HPSE2: variants seen among roughly 807,000 people sequenced by gnomAD.
HPSE2 encodes inactive heparanase-2.
A neutral mutation model predicts 60.5 loss-of-function variants in HPSE2; 38 were observed. The observed-to-expected ratio is 0.63, with a 90% CI of 0.48 to 0.82. HPSE2 has a LOEUF of 0.82. Ranked by LOEUF, HPSE2 falls within the 40% of genes least tolerant of loss-of-function variation. HPSE2 has a pLI of 0.00. For missense variants in HPSE2, 713 were observed against 740.4 expected (o/e 0.96, Z 0.43); for synonymous variants, 295 against 293.2 (o/e 1.01, Z -0.06).
At chr10:98,900,882 A>G (rs1590042888) in intron 3 of HPSE2, among the ~76,000 whole-genome samples, 2 of 152,208 alleles carry the variant, frequency 1.3e-5, no homozygotes, top group South Asian at 2.1e-4. Flanking sequence ...ACACATATGT[A>G]CATATAAAAA....
At chr10:99,084,253 T>G (rs753448557) in intron 3 of HPSE2, among the ~76,000 whole-genome samples, 1 of 152,114 alleles carries the variant, frequency 6.6e-6, no homozygotes, top group Non-Finnish European at 1.5e-5. Flanking sequence ...TGGTAACCAG[T>G]GCATTTAAGG....
At chr10:98,683,624 G>A (rs1436011761) in intron 6 of HPSE2, among the ~76,000 whole-genome samples, 1 of 151,806 alleles carries the variant, frequency 6.6e-6, no homozygotes, top group African/African-American at 2.4e-5. Flanking sequence ...GATGATTAAG[G>A]AGGTTTATCA....
chr10:98,509,497 C>CT (rs562628127), intron 9 of HPSE2, among the ~76,000 whole-genome samples: 6 of 150,332 alleles, frequency 4.0e-5, no homozygotes, highest in African/African-American at 1.2e-4. Flanking sequence ...GGATTCATAG[C>CT]TTTTTTTTTG....
Position 98,938,451 on chromosome 10 carries a change from T to C in HPSE2, c.611-194395A>G, listed in dbSNP as rs1490032789. ...GAACTACGTGAAGAATGCAGAAGCCTCAGGAGCCAATGTGATCAACTGGAA... is the reference window on the plus strand; with the variant it reads ...GAACTACGTGAAGAATGCAGAAGCCCCAGGAGCCAATGTGATCAACTGGAA... On this transcript the variant is annotated intron_variant, in intron 3 of 11. Transcript: ENST00000370552. Among the ~76,000 whole-genome samples, 4 of 143,930 alleles carry C rather than the reference T, an allele frequency of 2.8e-5. 1 individual carries two copies. Among genetic ancestry groups the C allele is most frequent in the Non-Finnish European group, 6.0e-5 (4 of 67,192 alleles). The allele number at this position is 143,930 out of a possible 152,430, so 94.4% of individuals were successfully genotyped here.
Position 99,126,025 on chromosome 10 carries a change from G to A in HPSE2, c.610+18213C>T, listed in dbSNP as rs1015452948. 6.6e-6 allele frequency among the ~76,000 whole-genome samples: 1 copy of A among 152,190 alleles called. No homozygotes were observed. The highest frequency in any genetic ancestry group is 1.5e-5 in the Non-Finnish European group (1 of 68,018). ...GCAGATAACGAGCACAGGAGCTGGT[G>A]ATGACAGTGTGAGCAGATGGGAGGG... On this transcript the variant is annotated intron_variant, in intron 3 of 11. Transcript: ENST00000370552. The surrounding 1 kb of genome is among the most constrained non-coding windows in gnomAD (Gnocchi z 4.0).
chr10:99,241,717 T>C, the HPSE2 span, among the ~76,000 whole-genome samples: 1 of 152,178 alleles, frequency 6.6e-6, no homozygotes, highest in African/African-American at 2.4e-5. Flanking sequence ...TATGAGATCA[T>C]GCCACTGCAC....
chr10:98,627,164 T>A (rs1350212399), intron 7 of HPSE2, among the ~76,000 whole-genome samples: 1 of 152,188 alleles, frequency 6.6e-6, no homozygotes, highest in Non-Finnish European at 1.5e-5. Flanking sequence ...AAATACTGTG[T>A]CTACAAGACC....
intron 2 of HPSE2, among the ~76,000 whole-genome samples, chr10:99,207,583 T>C (rs955414994): frequency 7.2e-5 from 11 of 152,252 alleles, no homozygotes; most frequent in Admixed American, 7.2e-4. Flanking sequence ...ATAATGGCTA[T>C]AATAAAGGAA....
chr10:99,264,809 T>A, the HPSE2 span, among the ~76,000 whole-genome samples: 2 of 106,336 alleles, frequency 1.9e-5, no homozygotes, highest in Non-Finnish European at 5.1e-5. Flanking sequence ...CCCCACAGTA[T>A]CACCCCTCAC....
intron 3 of HPSE2, among the ~76,000 whole-genome samples, chr10:99,020,938 G>A (rs1301561385): frequency 6.6e-6 from 1 of 152,208 alleles, no homozygotes; most frequent in African/African-American, 2.4e-5. Flanking sequence ...CTATGGCAGA[G>A]GATGATATTT....
At chr10:99,064,047 C>T (rs887688550) in intron 3 of HPSE2, among the ~76,000 whole-genome samples, 15 of 152,092 alleles carry the variant, frequency 9.9e-5, no homozygotes, top group Non-Finnish European at 1.9e-4. Context: ...GAGCTGAGAT[C>T]GCGCCACTGC....
chr10:99,210,213 A>G (rs1312660695), intron 2 of HPSE2, among the ~76,000 whole-genome samples: 2 of 152,216 alleles, frequency 1.3e-5, no homozygotes, highest in Non-Finnish European at 2.9e-5. Flanking sequence ...ACCTACCAAG[A>G]CTGAATCGTG....
intron 3 of HPSE2, among the ~76,000 whole-genome samples, chr10:98,929,403 C>G (rs1442305555): frequency 6.9e-6 from 1 of 144,296 alleles, no homozygotes; most frequent in Non-Finnish European, 1.5e-5. Context: ...GATTTCTTGT[C>G]TGCAAAATGG....
chr10:98,942,854 G>A (rs1356986205), intron 3 of HPSE2, among the ~76,000 whole-genome samples: 1 of 151,856 alleles, frequency 6.6e-6, no homozygotes, highest in Admixed American at 6.6e-5. Flanking sequence ...ATGATAGACT[G>A]GATTAAGAAA....
chr10:98,851,783 G>A (rs1952179230), intron 3 of HPSE2, among the ~76,000 whole-genome samples: 1 of 151,990 alleles, frequency 6.6e-6, no homozygotes, highest in South Asian at 2.1e-4. Context: ...GTTTCAATAT[G>A]GGATCATACC....
At chr10:99,044,307 G>C (rs1434193470) in intron 3 of HPSE2, among the ~76,000 whole-genome samples, 2 of 152,174 alleles carry the variant, frequency 1.3e-5, no homozygotes, top group African/African-American at 4.8e-5. Context: ...AGCAAACACT[G>C]AGAGAAATCA....
rs554844062 is a variant in HPSE2, at chr10:98,920,563, G to A, written c.611-176507C>T. Among the ~76,000 whole-genome samples the A allele has an allele frequency of 3.3e-5, 5 of 152,160 alleles. No homozygotes were observed. The East Asian group carries it at 5.8e-4, about 18-fold the overall frequency. Reference sequence around the variant, plus strand: ...CACCCTGACCTCAGGGTTTTCTTAAGAGTACACAACCCAGCCCAGTGTTTA... The same window carrying A: ...CACCCTGACCTCAGGGTTTTCTTAAAAGTACACAACCCAGCCCAGTGTTTA... On this transcript the variant is annotated intron_variant, in intron 3 of 11. Transcript: ENST00000370552.
At chr10:98,624,289 C>T (rs780590041) in intron 7 of HPSE2, among the ~76,000 whole-genome samples, 6 of 152,094 alleles carry the variant, frequency 3.9e-5, no homozygotes, top group Admixed American at 6.6e-5. Flanking sequence ...CTTTAGATAG[C>T]GGTCAGAGGG....
At chr10:98,694,930 T>C (rs528906539) in intron 5 of HPSE2, among the ~76,000 whole-genome samples, 2 of 152,328 alleles carry the variant, frequency 1.3e-5, no homozygotes, top group East Asian at 3.9e-4. Flanking sequence ...CAATCTTTAA[T>C]GGTACTTCTT....
Sources: gnomAD v4.1 joint callset for allele counts (sites outside exome capture counted in the v4.1 genomes callset) on GRCh38, gnomAD v4.1.1 for gene constraint, Gnocchi (gnomAD v3.1) non-coding constraint, MANE v1.5 for transcripts, NCBI Gene and HGNC (gene_info 2026-07-23, HGNC 2026-07-21) for gene names.